The following PTPRM variants were observed in gnomAD, a reference collection of about 807,000 sequenced individuals.
PTPRM encodes receptor-type tyrosine-protein phosphatase mu.
Under a neutral mutation model 186.7 loss-of-function variants are expected in PTPRM, and 47 were observed. That is an observed-to-expected ratio of 0.25 (90% CI 0.20 to 0.32). The LOEUF (loss-of-function observed/expected upper bound fraction) is 0.32, where lower values mean the gene tolerates loss of function less well. Ranked by LOEUF, PTPRM falls within the 10% of genes least tolerant of loss-of-function variation. The pLI is 1.00. For missense variants in PTPRM, 1,494 were observed against 1,865.0 expected (o/e 0.80, Z 3.66); for synonymous variants, 668 against 674.9 (o/e 0.99, Z 0.16).
chr18:8,280,895 A>G (rs766883602), intron 19 of PTPRM, among the ~76,000 whole-genome samples: 3 of 152,212 alleles, frequency 2.0e-5, no homozygotes, highest in Non-Finnish European at 4.4e-5. Context: ...TCTTCAGGCA[A>G]CACGGTCTAA....
At chr18:7,620,330 G>A (rs937963778) in intron 1 of PTPRM, among the ~76,000 whole-genome samples, 1 of 152,028 alleles carries the variant, frequency 6.6e-6, no homozygotes, top group Non-Finnish European at 1.5e-5. Flanking sequence ...CCTTTGCATG[G>A]TATCTTGGTG....
intron 22 of PTPRM, among the ~76,000 whole-genome samples, chr18:8,330,650 C>T (rs1442633992): frequency 5.0e-5 from 5 of 99,824 alleles, no homozygotes; most frequent in East Asian, 3.5e-4. Flanking sequence ...TGAAGGCTGC[C>T]GTTCATTTTT....
chr18:8,007,970 C>T (rs1006210375), intron 7 of PTPRM, among the ~76,000 whole-genome samples: 8 of 152,238 alleles, frequency 5.3e-5, no homozygotes, highest in East Asian at 1.9e-4. Context: ...GGTGCCTTCC[C>T]GCTTGTGGTG....
At chr18:7,881,294 ACACAGTGGTGCGTG>A (rs2048493407) in intron 2 of PTPRM, among the ~76,000 whole-genome samples, 1 of 151,942 alleles carries the variant, frequency 6.6e-6, no homozygotes, top group Non-Finnish European at 1.5e-5. Flanking sequence ...AATTAGCTGG[ACACAGTGGTGCGTG>A]CTTGTAAACC....
At chr18:8,131,120 G>T (rs1272529498) in intron 13 of PTPRM, among the ~76,000 whole-genome samples, 2 of 152,306 alleles carry the variant, frequency 1.3e-5, no homozygotes, top group East Asian at 1.9e-4. Flanking sequence ...GTCCCAAGTT[G>T]ACACTGCAGC....
intron 19 of PTPRM, among the ~76,000 whole-genome samples, chr18:8,289,515 TATATATATAC>T (rs1183441601): frequency 4.9e-5 from 3 of 60,916 alleles, no homozygotes; most frequent in Admixed American, 1.7e-4. Flanking sequence ...TGTGTGTATG[TATATATATAC>T]ATATATATAC....
chr18:8,025,135 A>T (rs2085488645), intron 7 of PTPRM, among the ~76,000 whole-genome samples: 1 of 152,192 alleles, frequency 6.6e-6, no homozygotes, highest in Admixed American at 6.5e-5. Context: ...AACATGACCC[A>T]AAATGTGCAT....
intron 1 of PTPRM, among the ~76,000 whole-genome samples, chr18:7,591,440 C>G (rs1039290765): frequency 6.6e-6 from 1 of 152,232 alleles, no homozygotes; most frequent in Admixed American, 6.5e-5. Context: ...ATTGATATCC[C>G]TAAGTCCCCT....
intron 13 of PTPRM, among the ~76,000 whole-genome samples, chr18:8,130,551 G>T (rs1000788932): frequency 2.0e-5 from 3 of 152,180 alleles, no homozygotes; most frequent in African/African-American, 4.8e-5. Context: ...TGTCAAGCTT[G>T]CAGTGGGCCA....
chr18:7,580,353 G>A (rs1017532638), intron 1 of PTPRM, among the ~76,000 whole-genome samples: 2 of 152,190 alleles, frequency 1.3e-5, no homozygotes, highest in African/African-American at 4.8e-5. Context: ...TTGAAGGGCT[G>A]TCTGCAAGAT....
intron 2 of PTPRM, among the ~76,000 whole-genome samples, chr18:7,803,179 ACTT>A (rs2044063391): frequency 6.6e-6 from 1 of 152,070 alleles, no homozygotes; most frequent in Admixed American, 6.6e-5. Flanking sequence ...TTAAGAAAAA[ACTT>A]CTTATCTTAC....
rs79822117 is a variant in PTPRM, at chr18:7,933,792, G to A, written c.663+7109G>A. Among the ~76,000 whole-genome samples the A allele has an allele frequency of 4.6e-5, 7 of 152,290 alleles. No homozygotes were observed. The East Asian group carries it at 1.3e-3, about 29-fold the overall frequency. ...TTTAGGCCTGCAGTTCCTGTTCAGA[G>A]GATGGTCTTTGATGAGAGGAGCAAT... is the stretch of plus-strand genomic sequence containing the variant. On this transcript the variant is annotated intron_variant, in intron 5 of 32. Transcript: ENST00000580170.
At chr18:8,146,418 T>A (rs543410377) in intron 14 of PTPRM, among the ~76,000 whole-genome samples, 5 of 152,344 alleles carry the variant, frequency 3.3e-5, no homozygotes, top group African/African-American at 1.2e-4. Flanking sequence ...TGATAAGCAT[T>A]TTTTTATATG....
intron 4 of PTPRM, among the ~76,000 whole-genome samples, chr18:7,911,875 T>C (rs912211393): frequency 1.8e-4 from 23 of 129,420 alleles, no homozygotes; most frequent in African/African-American, 7.0e-4. Context: ...TTTTTTGAGA[T>C]GGAGTCTCTC....
At chr18:7,590,207 T>G (rs1304910827) in intron 1 of PTPRM, among the ~76,000 whole-genome samples, 1 of 152,258 alleles carries the variant, frequency 6.6e-6, no homozygotes, top group Non-Finnish European at 1.5e-5. Flanking sequence ...TTGCTAATAT[T>G]AAGTCAAGTT....
intron 7 of PTPRM, among the ~76,000 whole-genome samples, chr18:8,001,499 G>T (rs1217080803): frequency 6.6e-6 from 1 of 151,964 alleles, no homozygotes; most frequent in Non-Finnish European, 1.5e-5. Context: ...CAGGCTAAAG[G>T]TTTTCTGGTG....
At chr18:8,377,287 T>C (rs2095702636) in intron 26 of PTPRM, 1 of 152,204 alleles carries the variant, frequency 6.6e-6, no homozygotes, top group Non-Finnish European at 1.5e-5. Context: ...TACATTTAGA[T>C]GGTGCATTTA....
At chr18:8,372,321 G>A (rs192696741) in intron 24 of PTPRM, among the ~76,000 whole-genome samples, 18 of 151,188 alleles carry the variant, frequency 1.2e-4, no homozygotes, top group East Asian at 1.2e-3. Context: ...TGATCCACCC[G>A]CCTCGGCCTC....
At chr18:8,158,804 C>A (rs543555052) in intron 14 of PTPRM, among the ~76,000 whole-genome samples, 1 of 152,222 alleles carries the variant, frequency 6.6e-6, no homozygotes, top group East Asian at 1.9e-4. Context: ...AGCAGGAGCA[C>A]GAGAGCGAGC....
Sources: gnomAD v4.1 joint callset for allele counts (sites outside exome capture counted in the v4.1 genomes callset) on GRCh38, gnomAD v4.1.1 for gene constraint, MANE v1.5 for transcripts, NCBI Gene and HGNC (gene_info 2026-07-23, HGNC 2026-07-21) for gene names.